The following MGAT4C variants were observed in gnomAD, a reference collection of about 807,000 sequenced individuals.
The protein encoded by MGAT4C is alpha-1,3-mannosyl-glycoprotein 4-beta-N-acetylglucosaminyltransferase C.
MGAT4C carries 19 observed loss-of-function variants against 40.1 expected under a neutral mutation model. That is an observed-to-expected ratio of 0.47 (90% CI 0.33 to 0.70). The LOEUF (loss-of-function observed/expected upper bound fraction) is 0.70, where lower values mean the gene tolerates loss of function less well. Among genes scored for constraint, MGAT4C ranks in the 30% least tolerant of loss-of-function variants. The pLI, the probability that MGAT4C is intolerant of heterozygous loss-of-function variation, is 0.02. For missense variants in MGAT4C, 491 were observed against 563.2 expected, an observed-to-expected ratio of 0.87 and a Z score of 1.30; for synonymous variants, 181 against 187.1, an observed-to-expected ratio of 0.97 and a Z score of 0.27.
In MGAT4C at chr12:86,173,766, GA is replaced by G. The variant is rs200089685; in HGVS notation, c.-57+82472del. On this transcript the variant is annotated intron_variant, in intron 1 of 4. Transcript: ENST00000611864. Reference sequence around the variant, plus strand: ...TTTTTTGTAAATATAGTTTTGGACTGAAAAAAAGGGATGGGGATTTCACTTA... The same window carrying G: ...TTTTTTGTAAATATAGTTTTGGACTGAAAAAAGGGATGGGGATTTCACTTA... 2.9e-3 allele frequency among the ~76,000 whole-genome samples: 444 copies of G among 151,888 alleles called. 13 individuals carry two copies. Among genetic ancestry groups the G allele is most frequent in the Admixed American group, 0.027 (408 of 15,246 alleles).
intron 1 of MGAT4C, among the ~76,000 whole-genome samples, chr12:86,092,883 T>C (rs1173352117): frequency 6.6e-6 from 1 of 151,980 alleles, no homozygotes; most frequent in Non-Finnish European, 1.5e-5. Flanking sequence ...TACTTTAAGT[T>C]CTAAGGTACA....
chr12:86,179,247 C>T (rs541579311), intron 1 of MGAT4C, among the ~76,000 whole-genome samples: 6 of 152,280 alleles, frequency 3.9e-5, no homozygotes, highest in Admixed American at 2.6e-4. Flanking sequence ...AAGTGCCTTT[C>T]GCCTCCCACT....
At chr12:86,011,196 T>C (rs1296034364) in intron 2 of MGAT4C, among the ~76,000 whole-genome samples, 1 of 152,226 alleles carries the variant, frequency 6.6e-6, no homozygotes, top group African/African-American at 2.4e-5. Flanking sequence ...TAGGGGCCTT[T>C]AATTTTCACA....
chr12:86,786,488 G>A (rs1029570926), intron 1 of MGAT4C, among the ~76,000 whole-genome samples: 1 of 152,034 alleles, frequency 6.6e-6, no homozygotes, highest in African/African-American at 2.4e-5. Context: ...TAAATATGTT[G>A]GTGAGATTCT....
chr12:86,006,813 A>T (rs1203066891), intron 2 of MGAT4C, among the ~76,000 whole-genome samples: 1 of 152,060 alleles, frequency 6.6e-6, no homozygotes, highest in Non-Finnish European at 1.5e-5. Context: ...CCTCTTAGTG[A>T]TTTTTCCATC....
At chr12:86,825,876 T>C (rs1952796592) in intron 1 of MGAT4C, among the ~76,000 whole-genome samples, 1 of 151,152 alleles carries the variant, frequency 6.6e-6, no homozygotes, top group Non-Finnish European at 1.5e-5. Context: ...AAGAAACACA[T>C]GAAAATAAGG....
At chr12:86,121,157 T>A (rs1487681468) in intron 1 of MGAT4C, among the ~76,000 whole-genome samples, 2 of 151,908 alleles carry the variant, frequency 1.3e-5, no homozygotes, top group African/African-American at 4.8e-5. Context: ...TGATTGAAGA[T>A]CAAATGAATG....
chr12:86,509,343 T>A (rs887388299), intron 2 of MGAT4C, among the ~76,000 whole-genome samples: 1 of 152,192 alleles, frequency 6.6e-6, no homozygotes, highest in Non-Finnish European at 1.5e-5. Flanking sequence ...CTTGTTTTTC[T>A]CAGGTTTGTC....
At chr12:86,292,690 T>C (rs186173574) in intron 4 of MGAT4C, among the ~76,000 whole-genome samples, 187 of 152,326 alleles carry the variant, frequency 1.2e-3, no homozygotes, top group African/African-American at 4.3e-3. Flanking sequence ...TCCATTCTAT[T>C]TGACCTTAAT....
chr12:86,209,406 G>A (rs1950375092), intron 1 of MGAT4C, among the ~76,000 whole-genome samples: 1 of 151,940 alleles, frequency 6.6e-6, no homozygotes, highest in South Asian at 2.1e-4. Flanking sequence ...GTTAGTCTAA[G>A]GAATTATTTT....
chr12:86,084,235 G>C (rs183498563), intron 1 of MGAT4C, among the ~76,000 whole-genome samples: 143 of 152,142 alleles, frequency 9.4e-4, no homozygotes, highest in African/African-American at 3.3e-3. Context: ...ATAATTTTGG[G>C]CAAGGGTTTA....
At chr12:86,691,287 A>C (rs1405145003) in intron 2 of MGAT4C, among the ~76,000 whole-genome samples, 3 of 152,254 alleles carry the variant, frequency 2.0e-5, no homozygotes, top group Non-Finnish European at 4.4e-5. Flanking sequence ...TCAGTATAAG[A>C]GAGAAACCAA....
intron 2 of MGAT4C, among the ~76,000 whole-genome samples, chr12:86,687,330 A>G (rs1380262399): frequency 6.6e-6 from 1 of 151,830 alleles, no homozygotes; most frequent in Non-Finnish European, 1.5e-5. Context: ...TCGTGTCTCT[A>G]TCTCCTTCAG....
chr12:86,539,941 AT>A (rs1959144857), intron 2 of MGAT4C, among the ~76,000 whole-genome samples: 1 of 152,010 alleles, frequency 6.6e-6, no homozygotes, highest in Non-Finnish European at 1.5e-5. Flanking sequence ...AGATTGGTAG[AT>A]TGTAAAAATT....
intron 1 of MGAT4C, among the ~76,000 whole-genome samples, chr12:86,765,657 C>T (rs1039955988): frequency 9.2e-5 from 14 of 152,342 alleles, no homozygotes; most frequent in East Asian, 3.9e-4. Flanking sequence ...ATCAGACTAA[C>T]AGCGGATCTC....
intron 1 of MGAT4C, among the ~76,000 whole-genome samples, chr12:86,177,563 C>T (rs555652384): frequency 1.2e-3 from 177 of 152,120 alleles, no homozygotes; most frequent in Middle Eastern, 3.6e-3. Flanking sequence ...ACTTTTTATA[C>T]ATATAGAAAT....
intron 3 of MGAT4C, among the ~76,000 whole-genome samples, chr12:86,362,293 C>T (rs1458427395): frequency 6.6e-6 from 1 of 152,030 alleles, no homozygotes; most frequent in Non-Finnish European, 1.5e-5. Context: ...ACAATGAGAA[C>T]ACTTGGACAC....
At chr12:86,204,456 T>C (rs1950177837) in intron 1 of MGAT4C, among the ~76,000 whole-genome samples, 1 of 152,138 alleles carries the variant, frequency 6.6e-6, no homozygotes, top group Non-Finnish European at 1.5e-5. Flanking sequence ...TCAAAGATCT[T>C]AGATCATGTA....
rs574408239 is a variant in MGAT4C, at chr12:86,740,600, T to A, written c.-261-13359A>T. The stretch of plus-strand genomic sequence containing the variant: ...CTGCACAGTACATCTTTTAGAGTTG[T>A]TTGTACAGTAGAATGTCAATGTATG... On this transcript the variant is annotated intron_variant, in intron 1 of 7. Transcript: ENST00000548651. 2.2e-4 allele frequency among the ~76,000 whole-genome samples: 34 copies of A among 151,368 alleles called. No individual in the cohort carries two copies. In the Middle Eastern group the frequency reaches 0.01, roughly 45 times the overall value.
Sources: gnomAD v4.1 joint callset for allele counts (sites outside exome capture counted in the v4.1 genomes callset) on GRCh38, gnomAD v4.1.1 for gene constraint, MANE v1.5 for transcripts, NCBI Gene and HGNC (gene_info 2026-07-23, HGNC 2026-07-21) for gene names.